The following FSIP1 variants were observed in gnomAD, a reference collection of about 807,000 sequenced individuals.
The protein encoded by FSIP1 is fibrous sheath interacting protein 1.
A neutral mutation model predicts 60.9 loss-of-function variants in FSIP1; 65 were observed. That is an observed-to-expected ratio of 1.07 (90% CI 0.87 to 1.31). The LOEUF is 1.31. FSIP1 is among the 40% of genes most tolerant of loss of function. The pLI, the probability that FSIP1 is intolerant of heterozygous loss-of-function variation, is 0.00. For missense variants in FSIP1, 675 were observed against 665.5 expected, an observed-to-expected ratio of 1.01 and a Z score of -0.16; for synonymous variants, 209 against 221.2, an observed-to-expected ratio of 0.94 and a Z score of 0.49.
intron 10 of FSIP1, among the ~76,000 whole-genome samples, chr15:39,639,784 G>A (rs943315088): frequency 2.6e-5 from 4 of 152,116 alleles, no homozygotes; most frequent in African/African-American, 7.2e-5. Context: ...AGGGAAGAAC[G>A]GGGACTATTT....
chr15:39,748,536 T>C (rs1238876831), intron 5 of FSIP1, among the ~76,000 whole-genome samples: 1 of 152,142 alleles, frequency 6.6e-6, no homozygotes, highest in East Asian at 1.9e-4. Flanking sequence ...TAAATTCCAG[T>C]AGTTCCCTCA....
chr15:39,634,249 C>A (rs1437493108), intron 10 of FSIP1, among the ~76,000 whole-genome samples: 1 of 152,208 alleles, frequency 6.6e-6, no homozygotes, highest in African/African-American at 2.4e-5. Context: ...GATCCCGTTC[C>A]TCTCTCTGCC....
chr15:39,677,999 A>G (rs1291848054), intron 10 of FSIP1, among the ~76,000 whole-genome samples: 1 of 152,112 alleles, frequency 6.6e-6, no homozygotes, highest in Admixed American at 6.6e-5. Context: ...CGTCTCAAAA[A>G]AAAAAAAAAG....
intron 10 of FSIP1, among the ~76,000 whole-genome samples, chr15:39,701,524 G>A (rs906230341): frequency 6.6e-6 from 1 of 152,094 alleles, no homozygotes; most frequent in Non-Finnish European, 1.5e-5. Flanking sequence ...CTTTAAAAAA[G>A]CTATAGAGTG....
chr15:39,623,359 G>A (rs1395178066), intron 10 of FSIP1, among the ~76,000 whole-genome samples: 2 of 152,040 alleles, frequency 1.3e-5, no homozygotes, highest in South Asian at 2.1e-4. Context: ...GCTTACTTCG[G>A]GTGTTTTTTA....
intron 10 of FSIP1, among the ~76,000 whole-genome samples, chr15:39,709,136 G>A (rs951681683): frequency 4.6e-5 from 7 of 152,114 alleles, no homozygotes; most frequent in African/African-American, 7.2e-5. Flanking sequence ...AGATGCAGGC[G>A]TTTCCAGTAA....
intron 9 of FSIP1, among the ~76,000 whole-genome samples, chr15:39,721,040 T>C (rs1895946380): frequency 6.6e-6 from 1 of 152,220 alleles, no homozygotes; most frequent in Non-Finnish European, 1.5e-5. Context: ...TTTTAAAACA[T>C]TGCCATAAAG....
chr15:39,722,797 G>T (rs1218118358), intron 9 of FSIP1, among the ~76,000 whole-genome samples: 1 of 152,106 alleles, frequency 6.6e-6, no homozygotes, highest in Non-Finnish European at 1.5e-5. Context: ...TGGTGTGATG[G>T]CATGCACCTG....
intron 10 of FSIP1, among the ~76,000 whole-genome samples, chr15:39,628,121 A>C (rs16969426): frequency 0.18 from 27,560 of 152,076 alleles, 3,041 homozygotes; most frequent in East Asian, 0.32. Context: ...GGGCTCATGG[A>C]TTAATAGGTG....
chr15:39,679,415 C>A (rs16969554), intron 10 of FSIP1, among the ~76,000 whole-genome samples: 4,912 of 152,138 alleles, frequency 0.032, 256 homozygotes, highest in African/African-American at 0.11. Flanking sequence ...ACTATTCAGC[C>A]GAGACAACCT....
intron 5 of FSIP1, 102 bp from the exon 6 acceptor site, chr15:39,742,002 T>C: frequency 1.5e-6 from 1 of 650,318 alleles, no homozygotes; most frequent in Non-Finnish European, 2.7e-6. Context: ...CTCTCCAGTG[T>C]TCCTCAGTCC....
rs139336810 is a variant in FSIP1 at position 39,689,054 on chromosome 15, T to C, written c.1188+24390A>G. The stretch of plus-strand genomic sequence containing the variant: ...CCTGGACTCTCTGACTGACTAATTA[T>C]AAATCAGAGGTTCCCATGATCCACT... On this transcript the variant is annotated intron_variant, in intron 10 of 11. Coordinates refer to ENST00000350221, the MANE Select transcript of FSIP1 (RefSeq NM_152597.5). Among the ~76,000 whole-genome samples, 538 of 152,268 alleles carry C rather than the reference T, an allele frequency of 3.5e-3. 4 individuals are homozygous for C. Among genetic ancestry groups the C allele is most frequent in the African/African-American group, 0.012 (507 of 41,550 alleles).
At chr15:39,759,585 T>C (rs1897420739) in intron 5 of FSIP1, among the ~76,000 whole-genome samples, 1 of 152,212 alleles carries the variant, frequency 6.6e-6, no homozygotes, top group African/African-American at 2.4e-5. Flanking sequence ...TATACCCATT[T>C]TCTATAGCGG....
rs1896675406 is a variant in FSIP1, at chr15:39,738,103, G to A, written c.879C>T (p.Leu293=). Residue 293 remains leucine, a synonymous_variant, in exon 8 of 12, where the codon CTC becomes CTT. Coordinates refer to ENST00000350221, the MANE Select transcript of FSIP1 (RefSeq NM_152597.5). ...AGAGTTTACGTACCTCAGAACTGGA[G>A]AGCCCGGAATCTTTCTCATCCAAGT... is the stretch of plus-strand genomic sequence containing the variant. The part of the protein sequence containing the change: ...LKDLDEKDSG[L]SSSEGDQSGW... 5 of 1,607,470 alleles carry A rather than the reference G, an allele frequency of 3.1e-6. No individual in the cohort carries two copies. The South Asian group carries it at 4.4e-5, about 14-fold the overall frequency.
chr15:39,768,391 A>G (rs1231141099), intron 3 of FSIP1, among the ~76,000 whole-genome samples: 1 of 152,252 alleles, frequency 6.6e-6, no homozygotes, highest in East Asian at 1.9e-4. Flanking sequence ...TTGATAATGA[A>G]CATATTAGAA....
intron 8 of FSIP1, among the ~76,000 whole-genome samples, chr15:39,734,543 C>T (rs1182321114): frequency 1.3e-5 from 2 of 152,014 alleles, no homozygotes; most frequent in Admixed American, 6.6e-5. Flanking sequence ...TGAAAGTACA[C>T]CAAAGATCCA....
chr15:39,721,098 G>A (rs1276381673), intron 9 of FSIP1, among the ~76,000 whole-genome samples: 1 of 152,180 alleles, frequency 6.6e-6, no homozygotes. Context: ...CAATCAGTGA[G>A]CCCATAAGGA....
intron 10 of FSIP1, among the ~76,000 whole-genome samples, chr15:39,700,563 T>G (rs371689013): frequency 6.6e-6 from 1 of 152,240 alleles, no homozygotes; most frequent in Non-Finnish European, 1.5e-5. Context: ...TCACAAATTA[T>G]GACTGTCAAA....
At chr15:39,749,149 G>T (rs1464461865) in intron 5 of FSIP1, among the ~76,000 whole-genome samples, 2 of 150,274 alleles carry the variant, frequency 1.3e-5, no homozygotes, top group East Asian at 3.9e-4. Flanking sequence ...CACAGAGATT[G>T]AAGTAGTAAT....
Sources: gnomAD v4.1 joint callset for allele counts (sites outside exome capture counted in the v4.1 genomes callset) on GRCh38, gnomAD v4.1.1 for gene constraint, MANE v1.5 for transcripts, NCBI Gene and HGNC (gene_info 2026-07-23, HGNC 2026-07-21) for gene names.